The following CRHR1 variants were observed in gnomAD, a reference collection of about 807,000 sequenced individuals.
The protein encoded by CRHR1 is corticotropin releasing hormone receptor 1.
CRHR1 carries 28 observed loss-of-function variants against 56.0 expected under a neutral mutation model. The ratio of observed to expected loss-of-function variants is 0.50; its 90% CI spans 0.37 to 0.69. The LOEUF (loss-of-function observed/expected upper bound fraction) is 0.69, where lower values mean the gene tolerates loss of function less well. Ranked by LOEUF, CRHR1 falls within the 30% of genes least tolerant of loss-of-function variation. The probability of loss-of-function intolerance (pLI) is 0.00; values close to 1 mark genes in which losing one functional copy is unlikely to be tolerated. For synonymous variants in CRHR1, 195 were observed against 216.5 expected (o/e 0.90, Z 0.87); for missense variants, 376 against 548.0 (o/e 0.69, Z 3.13).
At chr17:45,816,346 C>G in intron 2 of CRHR1, 117 bp from the exon 3 acceptor site, 1 of 1,386,998 alleles carries the variant, frequency 7.2e-7, no homozygotes, top group Non-Finnish European at 9.8e-7. Context: ...CATCCTGTCC[C>G]TAGCTGGTGT....
intron 1 of CRHR1, among the ~76,000 whole-genome samples, chr17:45,806,099 C>A (rs1246852991): frequency 1.3e-5 from 2 of 152,188 alleles, no homozygotes; most frequent in Admixed American, 6.5e-5. Context: ...CTGCCCATGG[C>A]AACACAGCGT....
chr17:45,828,801 G>A (rs2062224400), intron 4 of CRHR1, among the ~76,000 whole-genome samples: 1 of 152,218 alleles, frequency 6.6e-6, no homozygotes, highest in Non-Finnish European at 1.5e-5. Context: ...GAAATGGGTG[G>A]AGAAGAGAAA....
chr17:45,832,721 C>A (rs1043386967), intron 8 of CRHR1, among the ~76,000 whole-genome samples: 2 of 152,222 alleles, frequency 1.3e-5, no homozygotes, highest in African/African-American at 4.8e-5. Context: ...GCTGAGATTG[C>A]GAACTGCTGG....
At chr17:45,834,167 T>G in intron 12 of CRHR1, 119 bp downstream of exon 12, 4 of 1,237,168 alleles carry the variant, frequency 3.2e-6, no homozygotes, top group Non-Finnish European at 4.7e-6. Context: ...TGCTCCTAGG[T>G]CCCTAGGGGT....
intron 3 of CRHR1, among the ~76,000 whole-genome samples, chr17:45,818,871 G>GT (rs1279648469): frequency 2.6e-5 from 4 of 152,166 alleles, no homozygotes; most frequent in Non-Finnish European, 5.9e-5. Context: ...CTATTTTCCC[G>GT]TGATTCTTTG....
chr17:45,793,007 C>G (rs2061453654), intron 1 of CRHR1, among the ~76,000 whole-genome samples: 1 of 152,248 alleles, frequency 6.6e-6, no homozygotes, highest in South Asian at 2.1e-4. Context: ...ACAGTAGATG[C>G]TGAACTAAAT....
chr17:45,816,328 ATTG>A, intron 2 of CRHR1, 132 bp from the exon 3 acceptor site: 1 of 1,206,910 alleles, frequency 8.3e-7, no homozygotes, highest in Non-Finnish European at 1.1e-6. Flanking sequence ...TGCACTGGTC[ATTG>A]TTGTCATCCT....
chr17:45,824,056 T>G (rs1361063416), intron 4 of CRHR1, among the ~76,000 whole-genome samples: 1 of 152,108 alleles, frequency 6.6e-6, no homozygotes, highest in African/African-American at 2.4e-5. Context: ...TGGGAAGTCC[T>G]GGGATTGGGA....
At chr17:45,801,002 G>T (rs1176369148) in intron 1 of CRHR1, among the ~76,000 whole-genome samples, 1 of 152,216 alleles carries the variant, frequency 6.6e-6, no homozygotes, top group Non-Finnish European at 1.5e-5. Flanking sequence ...CAACAACACG[G>T]TTATTTATGG....
chr17:45,791,016 G>C (rs1160037010), intron 1 of CRHR1, among the ~76,000 whole-genome samples: 1 of 152,218 alleles, frequency 6.6e-6, no homozygotes, highest in African/African-American at 2.4e-5. Flanking sequence ...ACAAGTGATG[G>C]CCGCAGCATT....
Position 45,816,521 on chromosome 17 carries a change from G to A in CRHR1, c.180G>A (p.Ala60=), listed in dbSNP as rs775735379. 3.2e-5 allele frequency: 52 copies of A among 1,614,122 alleles called. No homozygotes were observed. In the East Asian group the frequency reaches 5.1e-4, roughly 16 times the overall value. Reference sequence around the variant, plus strand: ...GCACCTGCTGGCCCCGCAGCCCTGCGGGGCAGCTAGTGGTTCGGCCCTGCC... The same window carrying A: ...GCACCTGCTGGCCCCGCAGCCCTGCAGGGCAGCTAGTGGTTCGGCCCTGCC... ...LIGTCWPRSP[A]GQLVVRPCPA... Residue 60 remains alanine, a synonymous_variant, in exon 3 of 13, where the codon GCG becomes GCA. Coordinates refer to ENST00000314537, the MANE Select transcript of CRHR1 (RefSeq NM_004382.5).
At chr17:45,829,149 C>A in intron 4 of CRHR1, 66 bp from the exon 5 acceptor site, 1 of 1,263,530 alleles carries the variant, frequency 7.9e-7, no homozygotes. Flanking sequence ...CACCCCTAGG[C>A]GATGTCCTCA....
chr17:45,810,580 G>A (rs2146318050), intron 2 of CRHR1, among the ~76,000 whole-genome samples: 1 of 152,276 alleles, frequency 6.6e-6, no homozygotes, highest in Middle Eastern at 3.4e-3. Context: ...AGGGCCCGGT[G>A]TAGTCAGCCG....
At chr17:45,832,528 G>A in intron 8 of CRHR1, among the ~76,000 whole-genome samples, 1 of 152,174 alleles carries the variant, frequency 6.6e-6, no homozygotes, top group African/African-American at 2.4e-5. Context: ...GCCACTGGGG[G>A]TCTTCATACC....
At chr17:45,810,242 G>A (rs1042909619) in intron 2 of CRHR1, among the ~76,000 whole-genome samples, 18 of 152,188 alleles carry the variant, frequency 1.2e-4, no homozygotes, top group Admixed American at 9.2e-4. Flanking sequence ...CCCAGATCAC[G>A]CCACTGCACT....
intron 2 of CRHR1, among the ~76,000 whole-genome samples, chr17:45,811,402 G>C (rs968481177): frequency 6.6e-6 from 1 of 152,206 alleles, no homozygotes; most frequent in Non-Finnish European, 1.5e-5. Context: ...ACCAGAATGC[G>C]GGCCCCACGC....
intron 4 of CRHR1, among the ~76,000 whole-genome samples, chr17:45,825,231 A>C (rs370312324): frequency 3.9e-5 from 6 of 152,216 alleles, no homozygotes; most frequent in African/African-American, 1.4e-4. Context: ...CCTCAAGGCC[A>C]GGCACCCCAG....
intron 2 of CRHR1, among the ~76,000 whole-genome samples, chr17:45,808,296 C>T (rs2061756541): frequency 6.6e-6 from 1 of 152,222 alleles, no homozygotes; most frequent in African/African-American, 2.4e-5. Context: ...AACAGGAGGC[C>T]TCCACATCTC....
At chr17:45,819,504 G>A (rs2061997595) in intron 3 of CRHR1, among the ~76,000 whole-genome samples, 1 of 148,058 alleles carries the variant, frequency 6.8e-6, no homozygotes, top group South Asian at 2.1e-4. Flanking sequence ...CCCTATCCCT[G>A]GAGGTATTTC....
Sources: allele counts gnomAD v4.1 joint callset (sites outside exome capture counted in the v4.1 genomes callset), GRCh38; gene constraint gnomAD v4.1.1; transcripts MANE v1.5; gene names NCBI Gene and HGNC (gene_info 2026-07-23, HGNC 2026-07-21).